TRPM7: variants seen among roughly 807,000 people sequenced by gnomAD.
TRPM7 encodes the protein transient receptor potential cation channel subfamily M member 7.
TRPM7 carries 134 observed loss-of-function variants against 229.7 expected under a neutral mutation model. The ratio of observed to expected loss-of-function variants is 0.58; its 90% CI spans 0.51 to 0.67. The LOEUF is 0.67. Among genes scored for constraint, TRPM7 ranks in the 30% least tolerant of loss-of-function variants. The pLI is 0.00. For synonymous variants in TRPM7, 699 were observed against 715.2 expected (o/e 0.98, Z 0.36); for missense variants, 1,901 against 2,210.0 (o/e 0.86, Z 2.80).
At chr15:50,624,370 G>A in intron 11 of TRPM7, 70 bp from the exon 12 acceptor site, 2 of 1,310,510 alleles carry the variant, frequency 1.5e-6, no homozygotes, top group Non-Finnish European at 2.1e-6. Context: ...TAAATGTTAA[G>A]TCCTTAGGAT....
intron 22 of TRPM7, among the ~76,000 whole-genome samples, chr15:50,598,393 G>T (rs2059687043): frequency 6.6e-6 from 1 of 152,174 alleles, no homozygotes; most frequent in Non-Finnish European, 1.5e-5. Context: ...TTGAATCAGT[G>T]GGAGTTACGT....
chr15:50,665,743 C>T (rs1448990328), intron 1 of TRPM7, among the ~76,000 whole-genome samples: 1 of 152,048 alleles, frequency 6.6e-6, no homozygotes, highest in Non-Finnish European at 1.5e-5. Flanking sequence ...GCCTGTAATC[C>T]CAGCACTTTG....
intron 1 of TRPM7, among the ~76,000 whole-genome samples, chr15:50,673,457 T>C (rs2062032808): frequency 6.6e-6 from 1 of 152,298 alleles, no homozygotes; most frequent in South Asian, 2.1e-4. Context: ...AAGTCCATTG[T>C]GTCATTCTTA....
chr15:50,620,264 T>G (rs1174574224), intron 12 of TRPM7, among the ~76,000 whole-genome samples: 2 of 152,058 alleles, frequency 1.3e-5, no homozygotes, highest in East Asian at 3.9e-4. Flanking sequence ...CAAGACAAAT[T>G]TGTAAACTTT....
chr15:50,611,050 TATCTAATCAC>T (rs769362353), intron 17 of TRPM7, 33 bp downstream of exon 17: 6 of 1,469,146 alleles, frequency 4.1e-6, no homozygotes, highest in Non-Finnish European at 5.7e-6. Context: ...CTGTTCTTTT[TATCTAATCAC>T]ATGCTTTATA....
At chr15:50,565,885 G>A (rs564080985) in intron 38 of TRPM7, among the ~76,000 whole-genome samples, 27 of 151,304 alleles carry the variant, frequency 1.8e-4, no homozygotes, top group Middle Eastern at 3.4e-3. Context: ...GTGCAGTGGC[G>A]CAATCTTGGC....
chr15:50,633,290 T>C (rs1221006625), intron 8 of TRPM7, among the ~76,000 whole-genome samples: 1 of 152,228 alleles, frequency 6.6e-6, no homozygotes, highest in African/African-American at 2.4e-5. Flanking sequence ...GAAGATCTTA[T>C]GATGTATAAA....
chr15:50,585,048 G>GTGTTT (rs1488163306), intron 28 of TRPM7, among the ~76,000 whole-genome samples: 1 of 85,790 alleles, frequency 1.2e-5, no homozygotes, highest in African/African-American at 4.4e-5. Flanking sequence ...GCTAATTTTT[G>GTGTTT]TATTTTTTTT....
At chr15:50,596,457 T>C in intron 22 of TRPM7, 76 bp from the exon 23 acceptor site, 2 of 1,096,058 alleles carry the variant, frequency 1.8e-6, no homozygotes, top group Non-Finnish European at 2.4e-6. Flanking sequence ...TTCATGAGTG[T>C]TTCTGGTTAT....
chr15:50,568,996 T>C lies in TRPM7; in HGVS notation c.5467+891A>G, dbSNP rs185089693. 3.9e-4 allele frequency among the ~76,000 whole-genome samples: 59 copies of C among 151,608 alleles called. No homozygotes were observed. The East Asian group carries it at 6.2e-3, about 16-fold the overall frequency. On this transcript the variant is annotated intron_variant, in intron 38 of 38. Transcript: ENST00000646667. ...AGACCCTGTCTCAAAAACAAACAAA[T>C]AAACAAACAAACAAACAGCTCAAGG...
At chr15:50,617,631 C>T (rs1285327834) in intron 13 of TRPM7, among the ~76,000 whole-genome samples, 1 of 151,966 alleles carries the variant, frequency 6.6e-6, no homozygotes, top group Non-Finnish European at 1.5e-5. Context: ...ATCCTCAAGG[C>T]TGTTAAAATG....
At chr15:50,591,092 T>C (rs1371602149) in intron 26 of TRPM7, among the ~76,000 whole-genome samples, 2 of 152,202 alleles carry the variant, frequency 1.3e-5, no homozygotes, top group Non-Finnish European at 2.9e-5. Context: ...TAAGCTATCA[T>C]AGGTATAAGA....
intron 1 of TRPM7, among the ~76,000 whole-genome samples, chr15:50,674,278 C>T (rs1267830270): frequency 1.3e-5 from 2 of 152,088 alleles, no homozygotes; most frequent in African/African-American, 4.8e-5. Flanking sequence ...CGTGAGCCAC[C>T]ATGCCCAGAA....
chr15:50,659,401 C>T (rs1030441734), intron 2 of TRPM7, among the ~76,000 whole-genome samples: 2 of 152,082 alleles, frequency 1.3e-5, no homozygotes, highest in African/African-American at 2.4e-5. Flanking sequence ...AAGCACAGTA[C>T]TGGAAAGGAG....
Position 50,557,593 on chromosome 15 carries a change from T to C in TRPM7, c.*4085A>G, listed in dbSNP as rs1455012311. 2 of 152,228 alleles carry C rather than the reference T, an allele frequency of 1.3e-5. No individual in the cohort carries two copies. The highest frequency in any genetic ancestry group is 1.9e-4 in the East Asian group (1 of 5,204). The allele number at this position is 152,228 out of a possible 1,614,324, so 9.4% of individuals were successfully genotyped here. On this transcript the variant is annotated 3_prime_UTR_variant, in exon 39 of 39. Transcript: ENST00000646667. ...ATTACTTGTAAAATAATAGCATACATATATCGACAGACTGAAGAAGGTATA... is the reference window on the plus strand; with the variant it reads ...ATTACTTGTAAAATAATAGCATACACATATCGACAGACTGAAGAAGGTATA...
intron 20 of TRPM7, 22 bp from the exon 21 acceptor site, chr15:50,605,166 A>C (rs966742881): frequency 7.1e-6 from 11 of 1,545,408 alleles, no homozygotes; most frequent in Non-Finnish European, 7.8e-6. Context: ...ACAACAACAA[A>C]AAAAAGTGTA....
In TRPM7 at chr15:50,592,537, C is replaced by G; in HGVS notation, c.3698G>C (p.Gly1233Ala). The G allele has an allele frequency of 6.2e-7, 1 of 1,613,116 alleles. No homozygotes were observed. The highest frequency in any genetic ancestry group is 1.1e-5 in the South Asian group (1 of 91,074). The change falls in exon 26 of 39, where the codon GGC becomes GCC. Residue 1233 changes from glycine to alanine, a missense_variant. By Grantham distance (60) the Gly-to-Ala change is moderately conservative (BLOSUM62 0). Around this residue, in one of 8 missense-constraint regions of TRPM7, gnomAD observed 533 missense variants for 497.1 expected, o/e 1.07. Transcript: ENST00000646667. ...CAGGGCTGAAAGATCTTGCAAATGG[C>G]CAATTTGAGAATCTAATGATTGTAA... ...RSLQSLDSQI[G>A]HLQDLSALTV...
chr15:50,608,509 C>T (rs1010209374), intron 19 of TRPM7, among the ~76,000 whole-genome samples: 4 of 152,146 alleles, frequency 2.6e-5, no homozygotes, highest in Non-Finnish European at 5.9e-5. Flanking sequence ...GCTATTTTAA[C>T]GCAGCCATTC....
Position 50,569,888 on chromosome 15 carries a change from T to C in TRPM7, c.5466A>G (p.Pro1822=). Residue 1822 remains proline (P), a splice_region_variant and synonymous_variant, in exon 38 of 39, where the codon CCA becomes CCG. Coordinates refer to ENST00000646667, the MANE Select transcript of TRPM7 (RefSeq NM_017672.6). Reference sequence around the variant, plus strand: ...TATACTGATTAAGAAATTTTTTACCTGGAAGTTTAAGCTTTCTACAGCAAG... The same window carrying C: ...TATACTGATTAAGAAATTTTTTACCCGGAAGTTTAAGCTTTCTACAGCAAG... ...CNSCCRKLKL[P]DLKRNDYTPD... is the part of the protein sequence containing the mutation. 6.3e-7 allele frequency: 1 copy of C among 1,596,556 alleles called. No homozygotes were observed. Among genetic ancestry groups the C allele is most frequent in the Non-Finnish European group, 8.5e-7 (1 of 1,172,874 alleles).
Sources: gnomAD v4.1 joint callset for allele counts (sites outside exome capture counted in the v4.1 genomes callset) on GRCh38, gnomAD v4.1.1 for gene constraint, gnomAD v4.1.1 regional missense constraint, MANE v1.5 for transcripts, NCBI Gene and HGNC (gene_info 2026-07-23, HGNC 2026-07-21) for gene names.